The following KLHL29 variants were observed in gnomAD, a reference collection of about 807,000 sequenced individuals.
KLHL29 encodes kelch like family member 29.
A neutral mutation model predicts 80.4 loss-of-function variants in KLHL29; 21 were observed. That is an observed-to-expected ratio of 0.26 (90% confidence interval 0.19 to 0.38). KLHL29 has a LOEUF of 0.38. Among genes scored for constraint, KLHL29 ranks in the 10% least tolerant of loss-of-function variants. The pLI is 1.00. For missense variants in KLHL29, 867 were observed against 1,223.9 expected, an observed-to-expected ratio of 0.71 and a Z score of 4.35; for synonymous variants, 511 against 526.8, an observed-to-expected ratio of 0.97 and a Z score of 0.41.
At chr2:23,600,831 A>C (rs997575290) in intron 3 of KLHL29, among the ~76,000 whole-genome samples, 1 of 152,190 alleles carries the variant, frequency 6.6e-6, no homozygotes, top group Non-Finnish European at 1.5e-5. Flanking sequence ...CTGGCTGCTC[A>C]GTCAGAGAGC....
intron 1 of KLHL29, among the ~76,000 whole-genome samples, chr2:23,422,997 A>T (rs143405515): frequency 1.8e-3 from 269 of 152,296 alleles, no homozygotes; most frequent in African/African-American, 6.2e-3. Flanking sequence ...ATGCAAACTC[A>T]AGTCATTCAA....
intron 5 of KLHL29, among the ~76,000 whole-genome samples, chr2:23,663,460 G>A (rs1357708507): frequency 2.0e-5 from 3 of 152,238 alleles, no homozygotes; most frequent in East Asian, 1.9e-4. Context: ...GGGGACCACC[G>A]GGAGGTTCCC....
chr2:23,693,572 G>T (rs1433377438), intron 8 of KLHL29, 44 bp downstream of exon 8: 3 of 1,529,960 alleles, frequency 2.0e-6, no homozygotes, highest in East Asian at 2.5e-5. Flanking sequence ...TGGGTTTGGG[G>T]TCCCCCTGCG....
At chr2:23,601,768 A>C (rs954968398) in intron 3 of KLHL29, among the ~76,000 whole-genome samples, 16 of 152,258 alleles carry the variant, frequency 1.1e-4, no homozygotes, top group African/African-American at 3.4e-4. Flanking sequence ...AGCCCACCAC[A>C]CTGACTGACA....
chr2:23,410,439 G>A (rs1275844764), intron 1 of KLHL29, among the ~76,000 whole-genome samples: 1 of 152,128 alleles, frequency 6.6e-6, no homozygotes, highest in African/African-American at 2.4e-5. Context: ...AGTGGAAGGG[G>A]TCAGGTATAT....
At chr2:23,699,525 G>T (rs141214297) in intron 11 of KLHL29, among the ~76,000 whole-genome samples, 25 of 152,262 alleles carry the variant, frequency 1.6e-4, no homozygotes, top group African/African-American at 5.8e-4. Flanking sequence ...CAGTGACCTG[G>T]CCAGGCTGCT....
chr2:23,584,715 C>T lies in KLHL29; in HGVS notation c.285+22234C>T, dbSNP rs2103511813. On this transcript the variant is annotated intron_variant, in intron 3 of 13. Coordinates refer to ENST00000486442, the MANE Select transcript of KLHL29 (RefSeq NM_052920.2). ...AGCACTTTGTCTAGGAAGTTTTACT[C>T]AGCCTTTATTTTATTTTATTTATTA... 2.0e-5 allele frequency among the ~76,000 whole-genome samples: 3 copies of T among 152,214 alleles called. 1 individual carries two copies. In the South Asian group the frequency reaches 6.2e-4, roughly 32 times the overall value.
intron 7 of KLHL29, among the ~76,000 whole-genome samples, chr2:23,692,334 G>C (rs895582765): frequency 6.6e-6 from 1 of 152,250 alleles, no homozygotes; most frequent in African/African-American, 2.4e-5. Context: ...TGAGTACCCA[G>C]ATCTGCTGCC....
intron 1 of KLHL29, among the ~76,000 whole-genome samples, chr2:23,472,439 T>G (rs1001178588): frequency 3.9e-5 from 6 of 152,148 alleles, no homozygotes; most frequent in South Asian, 2.1e-4. Context: ...ATCAAGACCA[T>G]CCTGACCAAC....
intron 5 of KLHL29, among the ~76,000 whole-genome samples, chr2:23,666,037 TGTAAA>T (rs1670543964): frequency 6.6e-6 from 1 of 152,186 alleles, no homozygotes; most frequent in Non-Finnish European, 1.5e-5. Context: ...CACCCCAAGT[TGTAAA>T]GTCACAAGGA....
intron 3 of KLHL29, among the ~76,000 whole-genome samples, chr2:23,624,006 G>T (rs781368483): frequency 6.6e-6 from 1 of 152,188 alleles, no homozygotes; most frequent in Non-Finnish European, 1.5e-5. Context: ...TGATGCCAGT[G>T]CTAATTCCAG....
At chr2:23,639,741 G>A (rs556317994) in intron 4 of KLHL29, among the ~76,000 whole-genome samples, 2 of 152,176 alleles carry the variant, frequency 1.3e-5, no homozygotes, top group East Asian at 3.9e-4. Flanking sequence ...CATAATGAAT[G>A]CCCTCTCTTT....
At chr2:23,480,186 G>A (rs947799905) in intron 2 of KLHL29, among the ~76,000 whole-genome samples, 2 of 152,190 alleles carry the variant, frequency 1.3e-5, no homozygotes, top group Admixed American at 6.5e-5. Context: ...TGACCGGAGT[G>A]CTTTAAGAAT....
At chr2:23,473,524 G>A (rs1664553357) in intron 1 of KLHL29, among the ~76,000 whole-genome samples, 1 of 152,058 alleles carries the variant, frequency 6.6e-6, no homozygotes, top group Admixed American at 6.5e-5. Context: ...CTCCCCTAGA[G>A]GTAGGGACCA....
chr2:23,433,527 TC>T (rs1039250434), intron 1 of KLHL29, among the ~76,000 whole-genome samples: 9 of 108,958 alleles, frequency 8.3e-5, no homozygotes, highest in Non-Finnish European at 1.4e-4. Flanking sequence ...ACAAAGTACA[TC>T]CCCACAGCAG....
At chr2:23,649,466 A>C (rs1670030154) in intron 5 of KLHL29, among the ~76,000 whole-genome samples, 1 of 152,190 alleles carries the variant, frequency 6.6e-6, no homozygotes, top group African/African-American at 2.4e-5. Context: ...ACTATGAGTG[A>C]ACCAGGCAAG....
chr2:23,448,382 C>G (rs1387404840), intron 1 of KLHL29, among the ~76,000 whole-genome samples: 5 of 152,192 alleles, frequency 3.3e-5, no homozygotes, highest in Non-Finnish European at 7.3e-5. Context: ...ATATCACCAT[C>G]CCTTAAACCA....
At chr2:23,540,053 G>C (rs764411496) in intron 2 of KLHL29, among the ~76,000 whole-genome samples, 13 of 152,084 alleles carry the variant, frequency 8.5e-5, no homozygotes, top group Non-Finnish European at 1.9e-4. Context: ...GAACTTCCTC[G>C]TTTCTGGCTC....
chr2:23,462,684 C>A (rs1664248388), intron 1 of KLHL29, among the ~76,000 whole-genome samples: 1 of 152,086 alleles, frequency 6.6e-6, no homozygotes, highest in Admixed American at 6.5e-5. Flanking sequence ...AATCTTATGC[C>A]CAAACATAAG....
Sources: allele counts gnomAD v4.1 joint callset (sites outside exome capture counted in the v4.1 genomes callset), GRCh38; gene constraint gnomAD v4.1.1; transcripts MANE v1.5; gene names NCBI Gene and HGNC (gene_info 2026-07-23, HGNC 2026-07-21).